ADGRL2: variants seen among roughly 807,000 people sequenced by gnomAD.
ADGRL2 encodes the protein adhesion G protein-coupled receptor L2, also known as calcium-independent alpha-latrotoxin receptor 2.
A neutral mutation model predicts 157.4 loss-of-function variants in ADGRL2; 44 were observed. The observed-to-expected ratio is 0.28, with a 90% confidence interval of 0.22 to 0.36. ADGRL2 has a LOEUF of 0.36. Among genes scored for constraint, ADGRL2 ranks in the 10% least tolerant of loss-of-function variants. The pLI is 1.00. For synonymous variants in ADGRL2, 585 were observed against 624.7 expected (o/e 0.94, Z 0.95); for missense variants, 1,510 against 1,768.9 (o/e 0.85, Z 2.63).
chr1:81,907,069 T>C lies in ADGRL2; in HGVS notation c.126T>C (p.Cys42=), dbSNP rs1035446903. The C allele has an allele frequency of 1.1e-5, 17 of 1,614,132 alleles. No homozygotes were observed. The highest frequency in any genetic ancestry group is 1.4e-5 in the Non-Finnish European group (17 of 1,179,994). ...PFGLVRRELS[C]EGYSIDLRCP... is the part of the protein sequence containing the mutation. ...GGCTGGTGAGGCGAGAATTATCCTG[T>C]GAAGGTTATTCTATAGATCTGCGAT... The change falls in exon 3 of 24, where the codon TGT becomes TGC. Residue 42 remains cysteine, a synonymous_variant. Coordinates refer to ENST00000686636, the MANE Select transcript of ADGRL2 (RefSeq NM_001366006.2).
chr1:81,452,068 C>T (rs2077712952), intron 2 of ADGRL2, among the ~76,000 whole-genome samples: 1 of 152,076 alleles, frequency 6.6e-6, no homozygotes, highest in South Asian at 2.1e-4. Context: ...CCCTTGCCTC[C>T]CCACCTCCAC....
intron 3 of ADGRL2, among the ~76,000 whole-genome samples, chr1:81,583,732 T>C (rs1028146120): frequency 5.9e-5 from 9 of 152,172 alleles, no homozygotes; most frequent in Non-Finnish European, 8.8e-5. Context: ...AGGTTTGCTA[T>C]TTAGATTAAA....
chr1:81,954,250 G>A (rs559669742), intron 10 of ADGRL2, among the ~76,000 whole-genome samples: 15 of 151,630 alleles, frequency 9.9e-5, no homozygotes, highest in African/African-American at 3.1e-4. Flanking sequence ...GACTACTTCA[G>A]GAATATGACT....
intron 1 of ADGRL2, among the ~76,000 whole-genome samples, chr1:81,390,347 T>C (rs1394050753): frequency 4.6e-5 from 7 of 152,300 alleles, no homozygotes; most frequent in South Asian, 2.1e-4. Flanking sequence ...CTGAAGAAAC[T>C]TGGGAGAGCT....
intron 3 of ADGRL2, among the ~76,000 whole-genome samples, chr1:81,935,901 A>G (rs2095304193): frequency 6.6e-6 from 1 of 151,914 alleles, no homozygotes; most frequent in African/African-American, 2.4e-5. Context: ...CATTGCAAAA[A>G]CAAGAAAATA....
rs1458511283 is a variant in ADGRL2, at chr1:81,896,204, CAG to C, written c.74-10810_74-10809del. On this transcript the variant is annotated intron_variant, in intron 2 of 23. Coordinates refer to ENST00000686636, the MANE Select transcript of ADGRL2 (RefSeq NM_001366006.2). The stretch of plus-strand genomic sequence containing the variant: ...CTTTGTTGACAGTGAATACATTATA[CAG>C]AGTTACTTAAGAATTTTAATTTGCT... Among the ~76,000 whole-genome samples, 5 of 152,068 alleles carry C rather than the reference CAG, an allele frequency of 3.3e-5. No homozygotes were observed. In the South Asian group the frequency reaches 6.2e-4, roughly 19 times the overall value.
intron 1 of ADGRL2, among the ~76,000 whole-genome samples, chr1:81,427,776 A>C (rs1292892904): frequency 3.3e-5 from 5 of 152,232 alleles, no homozygotes; most frequent in African/African-American, 4.8e-5. Context: ...CAGCTTAAAC[A>C]GGAAACCTTC....
intron 2 of ADGRL2, among the ~76,000 whole-genome samples, chr1:81,528,988 C>CT (rs1276196638): frequency 6.6e-6 from 1 of 152,142 alleles, no homozygotes; most frequent in Non-Finnish European, 1.5e-5. Context: ...CAGGCCAGTG[C>CT]TAAGAGCACA....
At chr1:81,794,763 A>G (rs2087506768) in intron 2 of ADGRL2, among the ~76,000 whole-genome samples, 2 of 152,232 alleles carry the variant, frequency 1.3e-5, no homozygotes, top group Non-Finnish European at 2.9e-5. Context: ...AATGCATTGT[A>G]AAGAGTTTCA....
chr1:81,760,941 A>C (rs1306551799), intron 1 of ADGRL2, among the ~76,000 whole-genome samples: 3 of 151,930 alleles, frequency 2.0e-5, no homozygotes, highest in African/African-American at 7.2e-5. Flanking sequence ...TCATAGGGAG[A>C]ATTCCTGAAT....
At chr1:81,524,075 A>C (rs1020183654) in intron 2 of ADGRL2, among the ~76,000 whole-genome samples, 3 of 151,474 alleles carry the variant, frequency 2.0e-5, no homozygotes, top group Admixed American at 6.6e-5. Flanking sequence ...AAAATAAAAA[A>C]ATGGGCCAGG....
intron 3 of ADGRL2, among the ~76,000 whole-genome samples, chr1:81,639,304 C>T (rs2082171957): frequency 6.6e-6 from 1 of 152,134 alleles, no homozygotes; most frequent in Admixed American, 6.6e-5. Context: ...CTCCTGACCT[C>T]AGGTGACCAA....
chr1:81,722,357 G>T (rs1358807283), intron 1 of ADGRL2: 23 of 728,336 alleles, frequency 3.2e-5, no homozygotes, highest in Middle Eastern at 4.0e-4. Flanking sequence ...GAAAGTGGTT[G>T]CTATTGAAGC....
At chr1:81,445,379 A>T (rs1301260138) in intron 2 of ADGRL2, among the ~76,000 whole-genome samples, 2 of 152,178 alleles carry the variant, frequency 1.3e-5, no homozygotes, top group African/African-American at 4.8e-5. Context: ...GATCTTAGGC[A>T]TTTTTCTGCC....
intron 2 of ADGRL2, among the ~76,000 whole-genome samples, chr1:81,882,185 G>A (rs2094005048): frequency 6.6e-6 from 1 of 152,094 alleles, no homozygotes; most frequent in South Asian, 2.1e-4. Flanking sequence ...AATCAGCTTG[G>A]TGTTACAGAT....
At chr1:81,577,860 T>C (rs1420983516) in intron 2 of ADGRL2, among the ~76,000 whole-genome samples, 1 of 152,216 alleles carries the variant, frequency 6.6e-6, no homozygotes, top group East Asian at 1.9e-4. Context: ...AATTTGGATG[T>C]ATGTTTAATT....
intron 3 of ADGRL2, among the ~76,000 whole-genome samples, chr1:81,690,968 G>C (rs377253254): frequency 6.6e-6 from 1 of 152,210 alleles, no homozygotes; most frequent in Non-Finnish European, 1.5e-5. Flanking sequence ...AGACCTGGTT[G>C]TTCTGGTACT....
chr1:81,488,294 G>A (rs2078552622), intron 2 of ADGRL2, among the ~76,000 whole-genome samples: 1 of 152,130 alleles, frequency 6.6e-6, no homozygotes, highest in Admixed American at 6.6e-5. Context: ...CACAGAGAGT[G>A]CCTACAACAA....
At chr1:81,529,355 G>T (rs982535323) in intron 2 of ADGRL2, among the ~76,000 whole-genome samples, 7 of 152,168 alleles carry the variant, frequency 4.6e-5, no homozygotes, top group Non-Finnish European at 8.8e-5. Context: ...GAGAGGCAGG[G>T]GCCAGGAGAA....
Sources: allele counts gnomAD v4.1 joint callset (sites outside exome capture counted in the v4.1 genomes callset), GRCh38; gene constraint gnomAD v4.1.1; transcripts MANE v1.5; gene names NCBI Gene and HGNC (gene_info 2026-07-23, HGNC 2026-07-21).